The following CDH26 variants were observed in gnomAD, a reference collection of about 807,000 sequenced individuals.
CDH26 encodes the protein cadherin-like protein 26.
Under a neutral mutation model 90.3 loss-of-function variants are expected in CDH26, and 83 were observed. The observed-to-expected ratio is 0.92, with a 90% CI of 0.77 to 1.10. The LOEUF is 1.10. Among genes scored for constraint, CDH26 ranks in the 50% least tolerant of loss-of-function variants. The probability of loss-of-function intolerance (pLI) is 0.00; values close to 1 mark genes in which losing one functional copy is unlikely to be tolerated. For synonymous variants in CDH26, 397 were observed against 396.3 expected (o/e 1.00, Z -0.02); for missense variants, 1,013 against 1,037.6 (o/e 0.98, Z 0.33).
In CDH26 at chr20:60,025,257, G is replaced by A. The variant is rs545117949; in HGVS notation, c.948-5974G>A. On this transcript the variant is annotated intron_variant, in intron 7 of 8. Transcript: ENST00000370991. ...AATAGAAAACCACTGATGCATAAAC[G>A]TGTGCTATGCTTTAGAGTGATTGCC... Among the ~76,000 whole-genome samples the A allele has an allele frequency of 7.9e-5, 12 of 152,342 alleles. No homozygotes were observed. In the South Asian group the frequency reaches 2.1e-3, roughly 26 times the overall value.
Position 59,958,749 on chromosome 20 carries a change from AC to A in CDH26, c.27del (p.Ser10ArgfsTer6), listed in dbSNP as rs1454970933. MAMRSGR[H>X]PSLLLLLVLL... ...CATATGGCCATGAGATCCGGGAGGC[AC>A]CCCTCGCTGCTGCTGCTTCTAGTGC... On this transcript the variant is annotated frameshift_variant, in exon 1 of 18. Coordinates refer to ENST00000348616, the MANE Select transcript of CDH26 (RefSeq NM_177980.4). LOFTEE classifies it high-confidence loss of function. The A allele has an allele frequency of 1.9e-6, 3 of 1,614,006 alleles. No individual in the cohort carries two copies. In the South Asian group the frequency reaches 3.3e-5, roughly 18 times the overall value.
At position 59,988,995 on chromosome 20, in the gene CDH26, A is replaced by T. The variant is rs775205466; in HGVS notation, c.1115A>T (p.Gln372Leu). Residue 372 changes from glutamine to leucine, a missense_variant, in exon 9 of 18, where the codon CAG becomes CTG. By Grantham distance (113) the Gln-to-Leu change is moderately radical. Coordinates refer to ENST00000348616, the MANE Select transcript of CDH26 (RefSeq NM_177980.4). Reference sequence around the variant, plus strand: ...GTCTTCTGTGAGAGAGGAAAGCTTCAGCCGCCAAGGAAGGCAGCAGCCAGC... The same window carrying T: ...GTCTTCTGTGAGAGAGGAAAGCTTCTGCCGCCAAGGAAGGCAGCAGCCAGC... ...RLVFCERGKL[Q>L]PPRKAAASAT... 1 of 1,614,228 alleles carries T rather than the reference A, an allele frequency of 6.2e-7. No homozygotes were observed. The highest frequency in any genetic ancestry group is 1.1e-5 in the South Asian group (1 of 91,086).
At chr20:60,035,647 C>T (rs117196139), downstream of CDH26, among the ~76,000 whole-genome samples, 1,041 of 151,906 alleles carry the variant, frequency 6.9e-3, 9 homozygotes, top group South Asian at 0.028. Context: ...GGCTGTGTGC[C>T]CTCATTCAAA....
intron 1 of CDH26, among the ~76,000 whole-genome samples, chr20:59,968,062 T>G: frequency 6.9e-6 from 1 of 145,094 alleles, no homozygotes; most frequent in Non-Finnish European, 1.5e-5. Context: ...TGTCTCTCTC[T>G]CTCTCTCTCT....
At chr20:60,009,705 C>T (rs186706461) in intron 17 of CDH26, among the ~76,000 whole-genome samples, 1 of 152,070 alleles carries the variant, frequency 6.6e-6, no homozygotes, top group African/African-American at 2.4e-5. Context: ...AATTATTGAT[C>T]TGATGAGGCC....
chr20:59,989,256 C>T (rs2061497199), intron 9 of CDH26, 93 bp downstream of exon 9: 4 of 1,515,336 alleles, frequency 2.6e-6, no homozygotes, highest in Admixed American at 3.6e-5. Context: ...CGGCCGGGCG[C>T]GGTGGCTCAC....
At chr20:59,994,882 A>G (rs1244818539) in intron 11 of CDH26, among the ~76,000 whole-genome samples, 2 of 152,198 alleles carry the variant, frequency 1.3e-5, no homozygotes, top group African/African-American at 4.8e-5. Flanking sequence ...TTCCCAGCCC[A>G]CACCTGGACC....
chr20:60,008,294 C>T (rs1346584259), intron 17 of CDH26, among the ~76,000 whole-genome samples: 2 of 152,154 alleles, frequency 1.3e-5, no homozygotes, highest in Non-Finnish European at 2.9e-5. Flanking sequence ...TCTTAGTCTG[C>T]ACATCAGCCT....
At chr20:59,978,642 G>T (rs1199014522) in intron 4 of CDH26, among the ~76,000 whole-genome samples, 2 of 152,008 alleles carry the variant, frequency 1.3e-5, no homozygotes, top group Admixed American at 1.3e-4. Context: ...CCAAAGTGCT[G>T]GGATTACAGG....
At chr20:59,985,568 C>A (rs1037666551) in intron 7 of CDH26, among the ~76,000 whole-genome samples, 15 of 152,128 alleles carry the variant, frequency 9.9e-5, no homozygotes, top group Non-Finnish European at 1.3e-4. Context: ...GAGGGATCTG[C>A]CCCACGATCC....
chr20:60,020,219 G>T (rs200297151), intron 7 of CDH26, among the ~76,000 whole-genome samples: 1 of 152,174 alleles, frequency 6.6e-6, no homozygotes, highest in African/African-American at 2.4e-5. Context: ...CATCATATGG[G>T]GCTATTTCTC....
At chr20:59,968,867 T>G in intron 1 of CDH26, 100 bp from the exon 2 acceptor site, 1 of 563,146 alleles carries the variant, frequency 1.8e-6, no homozygotes, top group Non-Finnish European at 3.1e-6. Flanking sequence ...GAAGTTCTGT[T>G]TTCATCATTT....
chr20:59,996,101 G>A (rs373660760), intron 12 of CDH26, 47 bp downstream of exon 12: 3 of 1,579,110 alleles, frequency 1.9e-6, no homozygotes, highest in Admixed American at 1.7e-5. Context: ...CCTCTCCCCA[G>A]GCAATAGGCC....
chr20:59,968,926 A>C, intron 1 of CDH26, 41 bp from the exon 2 acceptor site: 2 of 1,068,274 alleles, frequency 1.9e-6, no homozygotes, highest in Non-Finnish European at 2.8e-6. Context: ...TGATTCTGGT[A>C]AGAATATTCT....
chr20:60,034,632 G>A (rs1338615648), downstream of CDH26, among the ~76,000 whole-genome samples: 2 of 152,230 alleles, frequency 1.3e-5, no homozygotes, highest in Non-Finnish European at 2.9e-5. Context: ...CAGCTACAAA[G>A]GTCAGCCAGC....
chr20:60,004,065 G>A (rs1228922538), intron 16 of CDH26, among the ~76,000 whole-genome samples: 1 of 152,194 alleles, frequency 6.6e-6, no homozygotes, highest in East Asian at 1.9e-4. Flanking sequence ...AGAGGCCCCT[G>A]GGGCTAAACA....
chr20:59,998,061 C>T (rs553723027), intron 13 of CDH26, among the ~76,000 whole-genome samples: 5 of 152,352 alleles, frequency 3.3e-5, no homozygotes, highest in South Asian at 2.1e-4. Context: ...AAGGAATCTC[C>T]GCATCCCAAA....
chr20:59,967,479 C>A (rs2061164526), intron 1 of CDH26, among the ~76,000 whole-genome samples: 1 of 152,132 alleles, frequency 6.6e-6, no homozygotes, highest in Non-Finnish European at 1.5e-5. Flanking sequence ...ATTGAATACC[C>A]AATCTTAGTT....
intron 2 of CDH26, 137 bp downstream of exon 2, chr20:59,969,160 C>A (rs543154250): frequency 8.6e-6 from 5 of 580,112 alleles, no homozygotes; most frequent in East Asian, 2.8e-5. Flanking sequence ...CTTCATGTGG[C>A]CTTTTAGAAT....
Sources: gnomAD v4.1 joint callset for allele counts (sites outside exome capture counted in the v4.1 genomes callset) on GRCh38, gnomAD v4.1.1 for gene constraint, MANE v1.5 for transcripts, NCBI Gene and HGNC (gene_info 2026-07-23, HGNC 2026-07-21) for gene names.